KIF7: variants seen among roughly 807,000 people sequenced by gnomAD.
KIF7 encodes kinesin-like protein KIF7.
A neutral mutation model predicts 135.7 loss-of-function variants in KIF7; 104 were observed. The ratio of observed to expected loss-of-function variants is 0.77; its 90% confidence interval spans 0.65 to 0.90. KIF7 has a LOEUF of 0.90. KIF7 is among the 40% of genes least tolerant of loss of function. The probability of loss-of-function intolerance (pLI) is 0.00; values close to 1 mark genes in which losing one functional copy is unlikely to be tolerated. For synonymous variants in KIF7, 883 were observed against 809.4 expected (o/e 1.09, Z -1.54); for missense variants, 2,005 against 1,839.1 (o/e 1.09, Z -1.65).
Position 89,630,964 on chromosome 15 carries a change from G to A in KIF7, c.3112-471C>T, listed in dbSNP as rs575158221. ...AGCCTGGACAGCATGTGACTGTACT[G>A]AATACTGTAGGCAGTTGTTAACCAT... On this transcript the variant is annotated intron_variant, in intron 15 of 18. Coordinates refer to ENST00000394412, the MANE Select transcript of KIF7 (RefSeq NM_198525.3). 9.8e-5 allele frequency: 26 copies of A among 265,076 alleles called. No homozygotes were observed. The East Asian group carries it at 2.3e-3, about 23-fold the overall frequency. The allele number at this position is 265,076 out of a possible 1,614,324, so 16.4% of individuals were successfully genotyped here.
At chr15:89,630,683 G>A in intron 15 of KIF7, 190 bp from the exon 16 acceptor site, 1 of 651,362 alleles carries the variant, frequency 1.5e-6, no homozygotes, top group Non-Finnish European at 2.8e-6. Flanking sequence ...GGTGAGCTGG[G>A]GGCACTGCTC....
At position 89,628,985 on chromosome 15, in the gene KIF7, G is replaced by A. The variant is rs1391595744; in HGVS notation, c.3655C>T (p.His1219Tyr). ...CGCGACGAGGAGTTACCCCTGCTGT[G>A]GCCTACAGCGTTCACACCGCCGAGC... is the stretch of plus-strand genomic sequence containing the variant. ...QKLGGVNAVG[H>Y]SRGGEKRSLC... is the part of the protein sequence containing the mutation. Residue 1219 changes from histidine to tyrosine, a missense_variant, in exon 18 of 19, where the codon CAC becomes TAC. By Grantham distance (83) the His-to-Tyr change is moderately conservative. Transcript: ENST00000394412. The A allele has an allele frequency of 2.5e-6, 4 of 1,613,656 alleles. No homozygotes were observed. The highest frequency in any genetic ancestry group is 3.4e-6 in the Non-Finnish European group (4 of 1,179,992).
At chr15:89,636,324 A>G (rs1963806787) in intron 11 of KIF7, among the ~76,000 whole-genome samples, 1 of 147,532 alleles carries the variant, frequency 6.8e-6, no homozygotes, top group African/African-American at 2.5e-5. Flanking sequence ...ATTCACACAT[A>G]ACAATATTAA....
intron 1 of KIF7, among the ~76,000 whole-genome samples, chr15:89,653,745 TTAGTATTAG>T (rs1277236119): frequency 2.1e-3 from 46 of 21,490 alleles, no homozygotes; most frequent in African/African-American, 6.3e-3. Context: ...AATTTTATTA[TTAGTATTAG>T]TATTAGTATT....
intron 11 of KIF7, among the ~76,000 whole-genome samples, chr15:89,635,334 T>G (rs1032328378): frequency 1.3e-5 from 2 of 150,662 alleles, no homozygotes; most frequent in South Asian, 4.1e-4. Flanking sequence ...GGAGAATGAC[T>G]TTGACGAGCT....
chr15:89,652,674 A>C lies in KIF7; in HGVS notation c.257T>G (p.Phe86Cys). Residue 86 changes from phenylalanine (F) to cysteine (C), a missense_variant, in exon 2 of 19, where the codon TTC becomes TGC. Phe to Cys is a radical substitution (Grantham distance 205). Transcript: ENST00000394412. ...ACCATAGGCAAAGACAGTGGCATTG[A>C]AGCCCTCGAAGAAGGCCTCAAGGAG... ...QPLLEAFFEG[F>C]NATVFAYGQT... The C allele has an allele frequency of 6.4e-7, 1 of 1,551,114 alleles. No homozygotes were observed.
intron 16 of KIF7, 47 bp from the exon 17 acceptor site, chr15:89,629,620 C>T: frequency 6.3e-7 from 1 of 1,598,768 alleles, no homozygotes; most frequent in Non-Finnish European, 8.5e-7. Flanking sequence ...GACCCCTCTT[C>T]ATCCAGCTAA....
Position 89,631,483 on chromosome 15 carries a change from G to A in KIF7, c.3111+12C>T, listed in dbSNP as rs528147308. The A allele has an allele frequency of 3.2e-6, 5 of 1,559,530 alleles. No homozygotes were observed. The highest frequency in any genetic ancestry group is 4.3e-6 in the Non-Finnish European group (5 of 1,152,006). ...TGGCACCAAGGGGCTGAGCCATGGG[G>A]CCGCAGGGTACCTCGGGGGACAGCA... On this transcript the variant is annotated intron_variant, in intron 15 of 18. Transcript: ENST00000394412.
intron 11 of KIF7, among the ~76,000 whole-genome samples, chr15:89,639,030 A>T (rs1596072471): frequency 1.3e-5 from 2 of 152,250 alleles, no homozygotes; most frequent in African/African-American, 4.8e-5. Context: ...ACCTGAGAAA[A>T]GCAATGGGGA....
chr15:89,629,976 C>G, intron 16 of KIF7: 1 of 523,654 alleles, frequency 1.9e-6, no homozygotes, highest in African/African-American at 1.9e-5. Flanking sequence ...ACTGTGACAA[C>G]CAAAAGTATC....
the KIF7 span, among the ~76,000 whole-genome samples, chr15:89,662,424 G>A: frequency 6.6e-6 from 1 of 152,198 alleles, no homozygotes; most frequent in African/African-American, 2.4e-5. Flanking sequence ...TTAAGCCTGG[G>A]GGCATGGAGG....
chr15:89,650,929 TTTG>T lies in KIF7; in HGVS notation c.329-991_329-989del, dbSNP rs555682809. On this transcript the variant is annotated intron_variant, in intron 2 of 18. Coordinates refer to ENST00000394412, the MANE Select transcript of KIF7 (RefSeq NM_198525.3). ...GATACAGAGAAATGTTCATGATACATTTGTTGTTGTTGTTGTGTTTTTGAAATG... is the reference window on the plus strand; with the variant it reads ...GATACAGAGAAATGTTCATGATACATTTGTTGTTGTTGTGTTTTTGAAATG... 2.4e-3 allele frequency among the ~76,000 whole-genome samples: 368 copies of T among 151,982 alleles called. 3 individuals carry two copies. Among genetic ancestry groups the T allele is most frequent in the Non-Finnish European group, 4.5e-3 (304 of 67,964 alleles).
the KIF7 span, among the ~76,000 whole-genome samples, chr15:89,662,758 G>C: frequency 3.3e-5 from 5 of 152,188 alleles, no homozygotes; most frequent in African/African-American, 1.2e-4. Flanking sequence ...ACAGAGGAAA[G>C]TCCCCCATTG....
upstream of KIF7, among the ~76,000 whole-genome samples, chr15:89,659,921 G>C (rs1964241750): frequency 6.6e-6 from 1 of 152,242 alleles, no homozygotes; most frequent in African/African-American, 2.4e-5. Flanking sequence ...AACAGGCCGG[G>C]CATGGTAGCT....
chr15:89,655,835 A>G (rs936210453), upstream of KIF7, among the ~76,000 whole-genome samples: 3 of 152,278 alleles, frequency 2.0e-5, no homozygotes, highest in Middle Eastern at 3.4e-3. Flanking sequence ...CTCAGTTATA[A>G]GACTCTCTTT....
chr15:89,618,611 C>T (rs906001484), intron 1 of KIF7, among the ~76,000 whole-genome samples: 5 of 152,086 alleles, frequency 3.3e-5, no homozygotes, highest in African/African-American at 1.2e-4. Context: ...CTGTGTATTC[C>T]GTGCCCCCAA....
intron 7 of KIF7, 39 bp downstream of exon 7, chr15:89,646,791 A>G: frequency 6.3e-7 from 1 of 1,593,206 alleles, no homozygotes; most frequent in Non-Finnish European, 8.6e-7. Context: ...TGACCAGTCC[A>G]GCAGGGCCCA....
Position 89,633,098 on chromosome 15 carries a change from A to G in KIF7, c.2718+43T>C, listed in dbSNP as rs202134298. On this transcript the variant is annotated intron_variant, in intron 13 of 18. Coordinates refer to ENST00000394412, the MANE Select transcript of KIF7 (RefSeq NM_198525.3). ...GGGGAGAAAGGTGCACCCACCAGCC[A>G]GCCCCCAGGGGAGCCCTGGGTGCGG... 6 of 1,601,084 alleles carry G rather than the reference A, an allele frequency of 3.7e-6. No homozygotes were observed. The South Asian group carries it at 5.5e-5, about 15-fold the overall frequency.
chr15:89,634,813 G>A (rs1350335769), intron 11 of KIF7, among the ~76,000 whole-genome samples: 1 of 152,226 alleles, frequency 6.6e-6, no homozygotes, highest in Non-Finnish European at 1.5e-5. Context: ...CTCGATCTGG[G>A]TGGAGCCCAC....
Sources: allele counts gnomAD v4.1 joint callset (sites outside exome capture counted in the v4.1 genomes callset), GRCh38; gene constraint gnomAD v4.1.1; transcripts MANE v1.5; gene names NCBI Gene and HGNC (gene_info 2026-07-23, HGNC 2026-07-21).